STMP1: variants seen among roughly 807,000 people sequenced by gnomAD.
The protein encoded by STMP1 is short transmembrane mitochondrial protein 1, also known as mitolamban.
Under a neutral mutation model 7.0 loss-of-function variants are expected in STMP1, and 7 were observed. The observed-to-expected ratio is 1.01, with a 90% CI of 0.57 to 1.89. The LOEUF (loss-of-function observed/expected upper bound fraction) is 1.89. Among genes scored for constraint, STMP1 ranks in the 40% most tolerant of loss-of-function variants. The probability of loss-of-function intolerance (pLI) is 0.00; values close to 1 mark genes in which losing one functional copy is unlikely to be tolerated. For synonymous variants in STMP1, 19 were observed against 18.4 expected, an observed-to-expected ratio of 1.03 and a Z score of -0.08; for missense variants, 45 against 53.0, an observed-to-expected ratio of 0.85 and a Z score of 0.47.
At chr7:135,673,573 G>A (rs1584707387) in intron 2 of STMP1, among the ~76,000 whole-genome samples, 1 of 152,210 alleles carries the variant, frequency 6.6e-6, no homozygotes, top group East Asian at 1.9e-4. Context: ...AAAAGTAGAA[G>A]TGGGTTTCAG....
At chr7:135,663,823 T>C (rs1052881981) in intron 1 of STMP1, among the ~76,000 whole-genome samples, 1 of 152,128 alleles carries the variant, frequency 6.6e-6, no homozygotes, top group African/African-American at 2.4e-5. Context: ...TTTTTGTATT[T>C]TTAGTAGAGA....
rs1431894694 is a variant in STMP1, at chr7:135,676,298, G to A, written c.*2133G>A. 6.6e-6 allele frequency: 1 copy of A among 152,156 alleles called. No individual in the cohort carries two copies. The highest frequency in any genetic ancestry group is 2.4e-5 in the African/African-American group (1 of 41,424). 9.4% of individuals were successfully genotyped at this position (152,156 alleles called of 1,614,324 possible). A position where few individuals can be genotyped will look rare whatever the true frequency, so the allele number is the denominator to read the frequency against. ...TCTTTCAGAAACTCTTGCATTATCT[G>A]TAGACGTGGACGTAAATATCCACCT... On this transcript the variant is annotated 3_prime_UTR_variant, in exon 3 of 3. Transcript: ENST00000507606.
At position 135,673,689 on chromosome 7, in the gene STMP1, A is replaced by G. The variant is rs1795379593; in HGVS notation, c.70-402A>G. ...TGCAGTGGCTCACGCCTGTAATCCT[A>G]GCACTTTGGGAGGCCGAGGTGGGCA... On this transcript the variant is annotated intron_variant, in intron 2 of 2. Coordinates refer to ENST00000507606, the MANE Select transcript of STMP1 (RefSeq NM_001130929.2). Among the ~76,000 whole-genome samples the G allele has an allele frequency of 3.3e-5, 5 of 152,316 alleles. No homozygotes were observed. In the South Asian group the frequency reaches 1.0e-3, roughly 32 times the overall value.
At chr7:135,672,878 A>G (rs751522873) in intron 2 of STMP1, 72 bp downstream of exon 2, 2 of 1,244,774 alleles carry the variant, frequency 1.6e-6, no homozygotes, top group Non-Finnish European at 2.3e-6. Flanking sequence ...TGTTTGAGGT[A>G]AGGTGTGACT....
intron 1 of STMP1, 96 bp from the exon 2 acceptor site, chr7:135,672,657 G>A: frequency 1.1e-6 from 1 of 915,874 alleles, no homozygotes. Context: ...ACTGTCCTAA[G>A]CTTCTTAGGA....
chr7:135,664,499 C>A (rs1306225839), intron 1 of STMP1, among the ~76,000 whole-genome samples: 4 of 151,810 alleles, frequency 2.6e-5, no homozygotes, highest in African/African-American at 9.7e-5. Context: ...GACTACAGGC[C>A]CGCACTACCA....
At chr7:135,671,577 T>G (rs1482794040) in intron 1 of STMP1, among the ~76,000 whole-genome samples, 1 of 152,204 alleles carries the variant, frequency 6.6e-6, no homozygotes, top group Admixed American at 6.5e-5. Flanking sequence ...TGAGGAGCCT[T>G]GGCCCTTTTG....
At chr7:135,668,492 TC>T (rs1795319361) in intron 1 of STMP1, among the ~76,000 whole-genome samples, 1 of 152,286 alleles carries the variant, frequency 6.6e-6, no homozygotes, top group African/African-American at 2.4e-5. Context: ...AACCTCTACT[TC>T]CTGGGCTCAA....
intron 1 of STMP1, among the ~76,000 whole-genome samples, chr7:135,669,135 G>T (rs1795332069): frequency 6.6e-6 from 1 of 152,202 alleles, no homozygotes; most frequent in South Asian, 2.1e-4. Flanking sequence ...CACGAGAACA[G>T]CATGGGAAAG....
At chr7:135,666,390 C>T (rs1795292049) in intron 1 of STMP1, among the ~76,000 whole-genome samples, 1 of 152,120 alleles carries the variant, frequency 6.6e-6, no homozygotes, top group Admixed American at 6.5e-5. Context: ...ACTCTGTCAC[C>T]CAGGCTGGAA....
Position 135,662,565 on chromosome 7 carries a change from C to G in STMP1, c.-15C>G, listed in dbSNP as rs909125609. 6.5e-7 allele frequency: 1 copy of G among 1,548,196 alleles called. No individual in the cohort carries two copies. ...TGCAGTCCTTCGCGCCCTCCTCGCC[C>G]TCCCCACCGACATCATGCTCCAGTT... On this transcript the variant is annotated 5_prime_UTR_variant, in exon 1 of 3. Transcript: ENST00000507606.
chr7:135,668,410 T>C (rs577195136), intron 1 of STMP1, among the ~76,000 whole-genome samples: 3 of 152,282 alleles, frequency 2.0e-5, no homozygotes, highest in Non-Finnish European at 2.9e-5. Context: ...CCTACCATGA[T>C]TGCATGTGAA....
chr7:135,666,076 G>C (rs1408988480), intron 1 of STMP1, among the ~76,000 whole-genome samples: 2 of 151,796 alleles, frequency 1.3e-5, no homozygotes, highest in Non-Finnish European at 2.9e-5. Flanking sequence ...GGGATTACAG[G>C]CATATGCCAC....
intron 1 of STMP1, among the ~76,000 whole-genome samples, chr7:135,663,717 C>T (rs915782806): frequency 7.2e-5 from 11 of 152,062 alleles, no homozygotes; most frequent in African/African-American, 2.4e-4. Flanking sequence ...TGCAGTAGTG[C>T]GATCTCGGCT....
At chr7:135,673,709 T>G (rs1008725920) in intron 2 of STMP1, among the ~76,000 whole-genome samples, 2 of 152,084 alleles carry the variant, frequency 1.3e-5, no homozygotes, top group African/African-American at 4.8e-5. Flanking sequence ...GAGGCCGAGG[T>G]GGGCAGATTG....
rs1210400394 is a variant in STMP1, at chr7:135,662,564, C to T, written c.-16C>T. ...CTGCAGTCCTTCGCGCCCTCCTCGC[C>T]CTCCCCACCGACATCATGCTCCAGT... On this transcript the variant is annotated 5_prime_UTR_variant, in exon 1 of 3. Transcript: ENST00000507606. 1.3e-6 allele frequency: 2 copies of T among 1,548,066 alleles called. No homozygotes were observed. The highest frequency in any genetic ancestry group is 1.2e-5 in the South Asian group (1 of 83,922).
At chr7:135,672,671 T>C (rs1350615727) in intron 1 of STMP1, 82 bp from the exon 2 acceptor site, 2 of 1,002,918 alleles carry the variant, frequency 2.0e-6, no homozygotes, top group Admixed American at 4.0e-5. Context: ...CTTAGGAAGA[T>C]ATTGTCTATG....
intron 2 of STMP1, chr7:135,673,040 T>G (rs1245649419): frequency 1.9e-6 from 1 of 531,676 alleles, no homozygotes; most frequent in African/African-American, 1.9e-5. Context: ...GCTGGGCTCA[T>G]GATCATCCTC....
chr7:135,672,893 G>C, intron 2 of STMP1, 87 bp downstream of exon 2: 1 of 1,105,870 alleles, frequency 9.0e-7, no homozygotes. Flanking sequence ...GTGACTTCCA[G>C]CATAAATGTA....
Sources: allele counts gnomAD v4.1 joint callset (sites outside exome capture counted in the v4.1 genomes callset), GRCh38; gene constraint gnomAD v4.1.1; transcripts MANE v1.5; gene names NCBI Gene and HGNC (gene_info 2026-07-23, HGNC 2026-07-21).